Variants in THSD7A observed in about 807,000 individuals in gnomAD.
The protein encoded by THSD7A is thrombospondin type-1 domain-containing protein 7A.
In THSD7A, 96 loss-of-function variants were observed where a neutral mutation model predicts 231.3. The observed-to-expected ratio is 0.41, with a 90% CI of 0.35 to 0.49. The LOEUF is 0.49. THSD7A is among the 20% of genes least tolerant of loss of function. THSD7A has a pLI of 0.05. For missense variants in THSD7A, 2,290 were observed against 2,070.2 expected (o/e 1.11, Z -2.06); for synonymous variants, 940 against 743.3 (o/e 1.26, Z -4.30).
At position 11,382,595 on chromosome 7, in the gene THSD7A, T is replaced by G; in HGVS notation, c.4433A>C (p.Lys1478Thr). 6.2e-7 allele frequency: 1 copy of G among 1,612,732 alleles called. No individual in the cohort carries two copies. The highest frequency in any genetic ancestry group is 1.7e-5 in the Admixed American group (1 of 59,860). Residue 1478 changes from lysine (K) to threonine (T), a missense_variant, in exon 24 of 28, where the codon AAA becomes ACA. Lys to Thr is a moderately conservative substitution (Grantham distance 78). Transcript: ENST00000423059. ...SCYDGQCYEYKWMASAWKGSS... is the reference protein window; with the variant it reads ...SCYDGQCYEYTWMASAWKGSS... ...GCCCTTCCAAGCACTGGCCATCCAT[T>G]TATATTCATAGCACTGTCCATCTGC...
chr7:11,707,358 AT>A (rs1439069216), intron 1 of THSD7A, among the ~76,000 whole-genome samples: 4 of 150,838 alleles, frequency 2.7e-5, no homozygotes, highest in Admixed American at 6.6e-5. Context: ...GGAGCTATTA[AT>A]TTTTTACAGA....
In THSD7A at chr7:11,521,084, C is replaced by A. The variant is rs533095347; in HGVS notation, c.1822+20335G>T. ...TTATTGAAGAATTTTAAAAACATCA[C>A]CAATCAGCCTGATTTAAGGAACATA... On this transcript the variant is annotated intron_variant, in intron 6 of 27. Coordinates refer to ENST00000423059, the MANE Select transcript of THSD7A (RefSeq NM_015204.3). 2.6e-5 allele frequency among the ~76,000 whole-genome samples: 4 copies of A among 152,216 alleles called. No individual in the cohort carries two copies. In the South Asian group the frequency reaches 8.3e-4, roughly 32 times the overall value.
At chr7:11,792,422 C>A (rs1783983158) in intron 1 of THSD7A, among the ~76,000 whole-genome samples, 3 of 151,940 alleles carry the variant, frequency 2.0e-5, no homozygotes, top group African/African-American at 7.2e-5. Context: ...ACTCCTAACG[C>A]CAAGCTCTAT....
chr7:11,672,374 T>C (rs1783427812), intron 1 of THSD7A, among the ~76,000 whole-genome samples: 1 of 152,126 alleles, frequency 6.6e-6, no homozygotes, highest in African/African-American at 2.4e-5. Context: ...CATTAAAAAA[T>C]TGTCTAATTT....
chr7:11,796,082 A>T (rs1305040129), intron 1 of THSD7A, among the ~76,000 whole-genome samples: 1 of 133,978 alleles, frequency 7.5e-6, no homozygotes, highest in Non-Finnish European at 1.6e-5. Flanking sequence ...ATATATTTGG[A>T]TCAGTAATGA....
At chr7:11,386,429 T>C (rs1782746915) in intron 23 of THSD7A, among the ~76,000 whole-genome samples, 2 of 152,216 alleles carry the variant, frequency 1.3e-5, no homozygotes, top group South Asian at 4.1e-4. Flanking sequence ...TGAGATGGTA[T>C]CTCATTGTGG....
Position 11,740,530 on chromosome 7 carries a change from A to G in THSD7A, c.190+91227T>C, listed in dbSNP as rs538352351. Reference sequence around the variant, plus strand: ...GTGGTCTTTTTGCTGTTTCCCAAACATGCTGAGCTTCTTTTCCCCCTCAGC... The same window carrying G: ...GTGGTCTTTTTGCTGTTTCCCAAACGTGCTGAGCTTCTTTTCCCCCTCAGC... On this transcript the variant is annotated intron_variant, in intron 1 of 27. Coordinates refer to ENST00000423059, the MANE Select transcript of THSD7A (RefSeq NM_015204.3). Among the ~76,000 whole-genome samples, 37 of 152,014 alleles carry G rather than the reference A, an allele frequency of 2.4e-4. No individual in the cohort carries two copies. The South Asian group carries it at 6.7e-3, about 27-fold the overall frequency.
chr7:11,635,393 C>A (rs1360375819), intron 2 of THSD7A, among the ~76,000 whole-genome samples: 1 of 152,146 alleles, frequency 6.6e-6, no homozygotes, highest in Non-Finnish European at 1.5e-5. Context: ...CAGAGAACAT[C>A]ATGTCTTTCA....
At chr7:11,497,861 C>G (rs1787166489) in intron 6 of THSD7A, among the ~76,000 whole-genome samples, 1 of 152,036 alleles carries the variant, frequency 6.6e-6, no homozygotes, top group Admixed American at 6.6e-5. Context: ...CAACATGGAG[C>G]CAGGGGACCA....
At position 11,634,409 on chromosome 7, in the gene THSD7A, G is replaced by C. The variant is rs1183675643; in HGVS notation, c.1022+1721C>G. On this transcript the variant is annotated intron_variant, in intron 2 of 27. Transcript: ENST00000423059. This position sits in a 1 kb window ranked among gnomAD's most constrained non-coding sequence, Gnocchi z 4.1. Reference sequence around the variant, plus strand: ...TAAATGTCTACAGCATGCTAACCCAGTGATAGCAGGAAACAACTCAACTTG... The same window carrying C: ...TAAATGTCTACAGCATGCTAACCCACTGATAGCAGGAAACAACTCAACTTG... Among the ~76,000 whole-genome samples, 1 of 152,066 alleles carries C rather than the reference G, an allele frequency of 6.6e-6. No individual in the cohort carries two copies. The highest frequency in any genetic ancestry group is 2.1e-4 in the South Asian group (1 of 4,828).
chr7:11,409,397 G>T (rs1783703347), intron 19 of THSD7A, among the ~76,000 whole-genome samples: 1 of 152,168 alleles, frequency 6.6e-6, no homozygotes, highest in South Asian at 2.1e-4. Context: ...AAAACTAGGA[G>T]TCCCTAATTG....
intron 19 of THSD7A, chr7:11,410,315 A>C (rs1783738483): frequency 6.6e-6 from 1 of 152,194 alleles, no homozygotes; most frequent in Admixed American, 6.5e-5. Context: ...TTCTGTGTAG[A>C]GTTTTCCCCT....
chr7:11,754,044 T>A (rs1276042436), intron 1 of THSD7A, among the ~76,000 whole-genome samples: 1 of 151,830 alleles, frequency 6.6e-6, no homozygotes, highest in Non-Finnish European at 1.5e-5. Flanking sequence ...ACTTAGAAGA[T>A]ACATAAAGAA....
chr7:11,546,195 G>GGCGCGTGTGTGCGCGCGCGCGCGC (rs1554335255), intron 4 of THSD7A, among the ~76,000 whole-genome samples: 8 of 78,734 alleles, frequency 1.0e-4, no homozygotes, highest in African/African-American at 4.0e-4. Context: ...TGCTGGTGTG[G>GGCGCGTGTGTGCGCGCGCGCGCGC]GCGCGCGCTC....
At chr7:11,726,808 C>G (rs921429319) in intron 1 of THSD7A, among the ~76,000 whole-genome samples, 2 of 151,982 alleles carry the variant, frequency 1.3e-5, no homozygotes, top group African/African-American at 4.8e-5. Context: ...GAAAATAGCA[C>G]TGACTTGGGA....
At chr7:11,757,653 G>T (rs1293288014) in intron 1 of THSD7A, among the ~76,000 whole-genome samples, 2 of 151,714 alleles carry the variant, frequency 1.3e-5, no homozygotes, top group Non-Finnish European at 2.9e-5. Context: ...TGATATTAGA[G>T]GTATTTAAGA....
At chr7:11,804,541 A>T (rs1009408082) in intron 1 of THSD7A, among the ~76,000 whole-genome samples, 1 of 152,100 alleles carries the variant, frequency 6.6e-6, no homozygotes, top group African/African-American at 2.4e-5. Context: ...GTTTTTGGAG[A>T]TTTGTTAAAA....
At chr7:11,810,679 C>G (rs745906997) in intron 1 of THSD7A, among the ~76,000 whole-genome samples, 4 of 152,068 alleles carry the variant, frequency 2.6e-5, no homozygotes, top group Admixed American at 1.3e-4. Context: ...ATTCCAGATG[C>G]CTTAATATGA....
rs145859369 is a variant in THSD7A, at chr7:11,627,413, A to G, written c.1022+8717T>C. 2.3e-3 allele frequency among the ~76,000 whole-genome samples: 355 copies of G among 152,176 alleles called. 3 individuals carry two copies. Among genetic ancestry groups the G allele is most frequent in the African/African-American group, 8.4e-3 (347 of 41,556 alleles). Reference sequence around the variant, plus strand: ...ATATAAATATATACATACAAAATGTATACATATAAATATATATGTGTTGGT... The same window carrying G: ...ATATAAATATATACATACAAAATGTGTACATATAAATATATATGTGTTGGT... On this transcript the variant is annotated intron_variant, in intron 2 of 27. Coordinates refer to ENST00000423059, the MANE Select transcript of THSD7A (RefSeq NM_015204.3).
Sources: gnomAD v4.1 joint callset for allele counts (sites outside exome capture counted in the v4.1 genomes callset) on GRCh38, gnomAD v4.1.1 for gene constraint, Gnocchi (gnomAD v3.1) non-coding constraint, MANE v1.5 for transcripts, NCBI Gene and HGNC (gene_info 2026-07-23, HGNC 2026-07-21) for gene names.